Variants in NLGN4X observed in about 807,000 individuals in gnomAD.
NLGN4X encodes the protein neuroligin 4 X-linked.
In NLGN4X, 3 loss-of-function variants were observed where a neutral mutation model predicts 40.3. The observed-to-expected ratio is 0.07, with a 90% confidence interval of 0.03 to 0.19. The LOEUF is 0.19. NLGN4X is among the 10% of genes least tolerant of loss of function. The pLI, the probability that NLGN4X is intolerant of heterozygous loss-of-function variation, is 1.00. For synonymous variants in NLGN4X, 270 were observed against 306.8 expected (o/e 0.88, Z 1.25); for missense variants, 382 against 708.3 (o/e 0.54, Z 5.23).
At chrX:6,101,631 T>C (rs1569238214) in intron 2 of NLGN4X, among the ~76,000 whole-genome samples, 2 of 110,374 alleles carry the variant, frequency 1.8e-5, no homozygotes, top group Non-Finnish European at 3.8e-5. Context: ...ATTGAACTCA[T>C]GTGCATAGAG....
At chrX:6,147,614 T>C (rs1000691434) in intron 2 of NLGN4X, among the ~76,000 whole-genome samples, 8 of 110,239 alleles carry the variant, frequency 7.3e-5, no homozygotes, top group Admixed American at 2.0e-4. Context: ...ATATTCTGCA[T>C]TGCTTCCTCA....
At chrX:5,901,803 T>C (rs1389747402) in intron 5 of NLGN4X, among the ~76,000 whole-genome samples, 2 of 107,312 alleles carry the variant, frequency 1.9e-5, no homozygotes, top group African/African-American at 6.7e-5. Context: ...TATTTGTATA[T>C]ATATTGTATA....
intron 2 of NLGN4X, among the ~76,000 whole-genome samples, chrX:6,057,154 G>A (rs1212157412): frequency 8.9e-6 from 1 of 112,116 alleles, no homozygotes; most frequent in Non-Finnish European, 1.9e-5. Flanking sequence ...CACATTTTGT[G>A]ATCATCAATC....
At chrX:6,147,332 A>G (rs2040070711) in intron 2 of NLGN4X, among the ~76,000 whole-genome samples, 1 of 111,774 alleles carries the variant, frequency 8.9e-6, no homozygotes, top group African/African-American at 3.2e-5. Context: ...TTTATATTTA[A>G]TATGATATCT....
At chrX:6,025,325 A>T (rs985256205) in intron 3 of NLGN4X, among the ~76,000 whole-genome samples, 4 of 111,750 alleles carry the variant, frequency 3.6e-5, no homozygotes, top group Admixed American at 9.5e-5. Flanking sequence ...ATTATTTTTT[A>T]AAAAATAGCA....
intron 4 of NLGN4X, among the ~76,000 whole-genome samples, chrX:5,906,973 G>A (rs750899425): frequency 5.4e-5 from 6 of 110,618 alleles, no homozygotes; most frequent in African/African-American, 1.6e-4. Context: ...CCAGCAACTC[G>A]GGAGGCTGAG....
In NLGN4X at chrX:6,178,511, C is replaced by T. The variant is rs182370010; in HGVS notation, c.-305-26740G>A. ...CAGTGATTTTCCAACAACTACTTCA[C>T]TTCTTCACACTGTTTCTACCACTGG... is the stretch of plus-strand genomic sequence containing the variant. On this transcript the variant is annotated intron_variant, in intron 1 of 5. Coordinates refer to ENST00000381095, the MANE Select transcript of NLGN4X (RefSeq NM_181332.3). Among the ~76,000 whole-genome samples, 33 of 112,235 alleles carry T rather than the reference C, an allele frequency of 2.9e-4. No homozygotes were observed. The South Asian group carries it at 0.012, about 41-fold the overall frequency.
At chrX:6,223,972 G>T (rs1925928845) in intron 1 of NLGN4X, among the ~76,000 whole-genome samples, 1 of 112,763 alleles carries the variant, frequency 8.9e-6, no homozygotes, top group South Asian at 3.6e-4. Context: ...TTTGGGAATA[G>T]AATACATATT....
intron 1 of NLGN4X, among the ~76,000 whole-genome samples, chrX:6,161,397 ATAT>A (rs759504592): frequency 5.8e-3 from 232 of 40,103 alleles, no homozygotes; most frequent in Middle Eastern, 0.027. Flanking sequence ...GATATAAAAT[ATAT>A]TATTCTATAT....
chrX:6,029,344 G>A lies in NLGN4X; in HGVS notation c.561C>T (p.Gly187=). Residue 187 remains glycine, a synonymous_variant, in exon 3 of 6, where the codon GGC becomes GGT. Transcript: ENST00000381095. ...CGTTTCCGTAGCTTGCCAAAATGCT[G>A]CCGTCAATCATGTTGCCGGTGCCCT... ...YMEGTGNMID[G]SILASYGNVI... is the part of the protein sequence containing the mutation. 1 of 1,210,799 alleles carries A rather than the reference G, an allele frequency of 8.3e-7. No homozygotes were observed. Among genetic ancestry groups the A allele is most frequent in the African/African-American group, 1.7e-5 (1 of 57,642 alleles).
intron 3 of NLGN4X, among the ~76,000 whole-genome samples, chrX:5,971,402 A>G (rs1436373075): frequency 1.8e-5 from 2 of 110,859 alleles, no homozygotes; most frequent in Admixed American, 9.7e-5. Flanking sequence ...GAAAGCCACA[A>G]TGATGCATTT....
intron 3 of NLGN4X, among the ~76,000 whole-genome samples, chrX:5,918,064 A>G (rs2032880253): frequency 8.9e-6 from 1 of 111,947 alleles, no homozygotes; most frequent in African/African-American, 3.2e-5. Context: ...CAATGTATGA[A>G]GTAGCCATGA....
At chrX:6,078,021 G>A (rs1389446459) in intron 2 of NLGN4X, among the ~76,000 whole-genome samples, 3 of 111,532 alleles carry the variant, frequency 2.7e-5, no homozygotes, top group South Asian at 3.8e-4. Flanking sequence ...TAAATTTTGC[G>A]AGACCCTTTC....
In NLGN4X at chrX:6,212,272, G is replaced by T. The variant is rs187399781; in HGVS notation, c.-306+16269C>A. Among the ~76,000 whole-genome samples the T allele has an allele frequency of 3.0e-3, 329 of 108,749 alleles. 1 individual carries two copies. The highest frequency in any genetic ancestry group is 4.9e-3 in the Non-Finnish European group (258 of 52,411). The allele number at this position is 108,749 out of a possible 115,157, so 94.4% of individuals were successfully genotyped here. On this transcript the variant is annotated intron_variant, in intron 1 of 5. Transcript: ENST00000381095. ...AAAAAAAAAAAAGAGTCCTTGAAATGGCTACGATTTGCTTATATTCCTTAT... is the reference window on the plus strand; with the variant it reads ...AAAAAAAAAAAAGAGTCCTTGAAATTGCTACGATTTGCTTATATTCCTTAT...
intron 2 of NLGN4X, among the ~76,000 whole-genome samples, chrX:6,054,116 A>G (rs6654811): frequency 0.066 from 7,443 of 112,123 alleles, 527 homozygotes; most frequent in African/African-American, 0.22. Flanking sequence ...TTAGTCAAGA[A>G]GGTGTTTAAT....
At chrX:5,979,172 T>A (rs1474366105) in intron 3 of NLGN4X, among the ~76,000 whole-genome samples, 2 of 111,144 alleles carry the variant, frequency 1.8e-5, no homozygotes, top group Non-Finnish European at 3.8e-5. Context: ...AAAAGCGAAG[T>A]AACAGAATTA....
intron 4 of NLGN4X, among the ~76,000 whole-genome samples, chrX:5,904,771 C>T (rs556815754): frequency 4.5e-5 from 5 of 112,102 alleles, no homozygotes; most frequent in African/African-American, 9.7e-5. Context: ...CTGCCATTTC[C>T]GTGAATCCCA....
chrX:6,192,798 C>A (rs893959910), intron 1 of NLGN4X, among the ~76,000 whole-genome samples: 1 of 112,140 alleles, frequency 8.9e-6, no homozygotes, highest in Admixed American at 9.4e-5. Flanking sequence ...GCATGACTCA[C>A]CTGGGCTGTC....
At chrX:6,040,781 C>T (rs2037135843) in intron 2 of NLGN4X, among the ~76,000 whole-genome samples, 1 of 112,008 alleles carries the variant, frequency 8.9e-6, no homozygotes, top group Admixed American at 9.5e-5. Context: ...ATCTGGTTTA[C>T]AGATAAATGA....
Sources: allele counts gnomAD v4.1 joint callset (sites outside exome capture counted in the v4.1 genomes callset), GRCh38; gene constraint gnomAD v4.1.1; transcripts MANE v1.5; gene names NCBI Gene and HGNC (gene_info 2026-07-23, HGNC 2026-07-21).